PHF14: variants seen among roughly 807,000 people sequenced by gnomAD.
PHF14 encodes PHD finger protein 14.
Under a neutral mutation model 117.9 loss-of-function variants are expected in PHF14, and 55 were observed. The observed-to-expected ratio is 0.47, with a 90% CI of 0.38 to 0.58. The LOEUF (loss-of-function observed/expected upper bound fraction) is 0.58. Ranked by LOEUF, PHF14 falls within the 20% of genes least tolerant of loss-of-function variation. The pLI, the probability that PHF14 is intolerant of heterozygous loss-of-function variation, is 0.00. For missense variants in PHF14, 978 were observed against 1,122.2 expected (o/e 0.87, Z 1.84); for synonymous variants, 409 against 368.6 (o/e 1.11, Z -1.26).
rs1166211936 is a variant in PHF14, at chr7:10,994,008, CAAAAAAA to C, written c.1045+3173_1045+3179del. On this transcript the variant is annotated intron_variant, in intron 4 of 17. Coordinates refer to ENST00000634607, the MANE Select transcript of PHF14 (RefSeq NM_001007157.2). ...TGGGTGACAGAGGGTGACTCTGTCT[CAAAAAAA>C]AAAAAAAAAAAGTTGTTAAGGGAAA... is the stretch of plus-strand genomic sequence containing the variant. Among the ~76,000 whole-genome samples the C allele has an allele frequency of 1.2e-4, 10 of 82,004 alleles. No individual in the cohort carries two copies. The East Asian group carries it at 2.9e-3, about 24-fold the overall frequency. 53.8% of individuals were successfully genotyped at this position (82,004 alleles called of 152,430 possible).
At chr7:11,027,131 C>G (rs1055663018) in intron 6 of PHF14, among the ~76,000 whole-genome samples, 1 of 152,134 alleles carries the variant, frequency 6.6e-6, no homozygotes, top group African/African-American at 2.4e-5. Context: ...ATCCCTTGCT[C>G]AATTTCAACA....
At chr7:10,996,695 T>G (rs1285916300) in intron 4 of PHF14, among the ~76,000 whole-genome samples, 1 of 152,270 alleles carries the variant, frequency 6.6e-6, no homozygotes, top group East Asian at 1.9e-4. Flanking sequence ...AGTTAACTCA[T>G]TTAGGCTGGG....
intron 17 of PHF14, among the ~76,000 whole-genome samples, chr7:11,140,097 T>C (rs1223905514): frequency 2.0e-5 from 3 of 152,082 alleles, no homozygotes; most frequent in African/African-American, 7.2e-5. Flanking sequence ...TCTATACACA[T>C]TTCTATACAT....
intron 16 of PHF14, chr7:11,103,979 A>G: frequency 1.0e-6 from 1 of 985,010 alleles, no homozygotes; most frequent in Non-Finnish European, 1.2e-6. Context: ...AATGTTGGTA[A>G]TTATTACTGT....
At position 11,076,648 on chromosome 7, in the gene PHF14, A is replaced by ACCTCTACCT. The variant is rs1164996729; in HGVS notation, c.2654+14566_2654+14574dup. 3.3e-5 allele frequency among the ~76,000 whole-genome samples: 5 copies of ACCTCTACCT among 149,470 alleles called. No homozygotes were observed. The East Asian group carries it at 7.9e-4, about 24-fold the overall frequency. On this transcript the variant is annotated intron_variant, in intron 16 of 17. Coordinates refer to ENST00000634607, the MANE Select transcript of PHF14 (RefSeq NM_001007157.2). ...AGTGGCGTGATCTCAGCTCACTGCAACCTCTACCTCCGGGGTTCAAGCAAT... is the reference window on the plus strand; with the variant it reads ...AGTGGCGTGATCTCAGCTCACTGCAACCTCTACCTCCTCTACCTCCGGGGTTCAAGCAAT...
chr7:11,061,511 TTAAAA>T (rs1785221702), intron 14 of PHF14: 1 of 217,634 alleles, frequency 4.6e-6, no homozygotes, highest in African/African-American at 2.3e-5. Context: ...AGAAAATCCT[TTAAAA>T]TAATTTTGGA....
chr7:10,974,563 A>G (rs1781797729), intron 1 of PHF14, among the ~76,000 whole-genome samples: 1 of 152,194 alleles, frequency 6.6e-6, no homozygotes, highest in Admixed American at 6.5e-5. Context: ...AACATCTCGA[A>G]AAGATGAGCA....
In PHF14 at chr7:11,036,433, C is replaced by A. The variant is rs747272623; in HGVS notation, c.1618C>A (p.Arg540=). The change falls in exon 9 of 18, where the codon CGG becomes AGG. Residue 540 remains arginine, a synonymous_variant. Transcript: ENST00000634607. ...TCTTTTATAGGCAAGGATCAATGCC[C>A]GGCTTCAGCAGTATCGTGCCAAAGC... The part of the protein sequence containing the change: ...SPEAQARINA[R]LQQYRAKAEL... The A allele has an allele frequency of 2.2e-5, 36 of 1,611,854 alleles. No individual in the cohort carries two copies. Among genetic ancestry groups the A allele is most frequent in the Middle Eastern group, 3.3e-4 (2 of 6,078 alleles).
At chr7:11,092,171 C>G (rs1288906599) in intron 16 of PHF14, among the ~76,000 whole-genome samples, 1 of 152,146 alleles carries the variant, frequency 6.6e-6, no homozygotes, top group East Asian at 1.9e-4. Flanking sequence ...TGTAATTTGT[C>G]TTTTACCCCC....
chr7:10,994,701 T>C (rs1389933883), intron 4 of PHF14, among the ~76,000 whole-genome samples: 1 of 152,020 alleles, frequency 6.6e-6, no homozygotes, highest in Non-Finnish European at 1.5e-5. Flanking sequence ...AGGCGGCGTG[T>C]CCGGAGTTTG....
chr7:11,056,945 T>G (rs1405291903), intron 14 of PHF14, among the ~76,000 whole-genome samples: 3 of 151,918 alleles, frequency 2.0e-5, no homozygotes, highest in Non-Finnish European at 4.4e-5. Flanking sequence ...TTTCAAAGTT[T>G]GACTTAATTG....
intron 4 of PHF14, among the ~76,000 whole-genome samples, chr7:11,004,265 A>AAAAAAG (rs1554258590): frequency 9.4e-5 from 14 of 149,260 alleles, no homozygotes; most frequent in African/African-American, 3.4e-4. Flanking sequence ...AAAAAAAAAA[A>AAAAAAG]AAAAGAAAAG....
intron 6 of PHF14, among the ~76,000 whole-genome samples, chr7:11,024,604 T>C (rs1783848806): frequency 6.6e-6 from 1 of 152,202 alleles, no homozygotes. Flanking sequence ...TTAAGAATTA[T>C]GTTAAATCTA....
intron 17 of PHF14, among the ~76,000 whole-genome samples, chr7:11,125,943 T>C (rs892617740): frequency 1.3e-5 from 2 of 152,096 alleles, no homozygotes; most frequent in Non-Finnish European, 2.9e-5. Flanking sequence ...TAAAGTATGC[T>C]TATAGAGGTT....
At chr7:11,087,197 CT>C (rs34960792) in intron 16 of PHF14, among the ~76,000 whole-genome samples, 1 of 149,392 alleles carries the variant, frequency 6.7e-6, no homozygotes. Context: ...GCCCTTCTTT[CT>C]TTTTTTTTGT....
chr7:11,109,697 A>G lies in PHF14; in HGVS notation c.2655-1653A>G, dbSNP rs191050426. On this transcript the variant is annotated intron_variant, in intron 16 of 17. Coordinates refer to ENST00000634607, the MANE Select transcript of PHF14 (RefSeq NM_001007157.2). Reference sequence around the variant, plus strand: ...GTCACATTTGAACTTAGCTTATATTATTTATTATTCTTTCTTAATGCCAGA... The same window carrying G: ...GTCACATTTGAACTTAGCTTATATTGTTTATTATTCTTTCTTAATGCCAGA... The G allele has an allele frequency of 2.4e-4, 36 of 151,910 alleles. 1 individual carries two copies. In the East Asian group the frequency reaches 6.4e-3, roughly 27 times the overall value. The allele number at this position is 151,910 out of a possible 1,614,324, so 9.4% of individuals were successfully genotyped here. A position where few individuals can be genotyped will look rare whatever the true frequency, so the allele number is the denominator to read the frequency against.
chr7:11,004,274 A>AG (rs1491289193), intron 4 of PHF14, among the ~76,000 whole-genome samples: 13 of 149,662 alleles, frequency 8.7e-5, no homozygotes, highest in African/African-American at 3.2e-4. Flanking sequence ...AAAAAAGAAA[A>AG]GAAAAAGAAA....
chr7:11,051,852 C>A, intron 14 of PHF14, 72 bp downstream of exon 14: 1 of 1,240,488 alleles, frequency 8.1e-7, no homozygotes, highest in Non-Finnish European at 1.2e-6. Context: ...GAGAAAGACA[C>A]AGGGCAAACA....
At chr7:11,168,455 C>T (rs894943079) in intron 17 of PHF14, among the ~76,000 whole-genome samples, 2 of 152,122 alleles carry the variant, frequency 1.3e-5, no homozygotes, top group African/African-American at 4.8e-5. Context: ...AAAGTCAATT[C>T]ACAAAGTAGA....
Sources: gnomAD v4.1 joint callset for allele counts (sites outside exome capture counted in the v4.1 genomes callset) on GRCh38, gnomAD v4.1.1 for gene constraint, MANE v1.5 for transcripts, NCBI Gene and HGNC (gene_info 2026-07-23, HGNC 2026-07-21) for gene names.